FAM135B: variants seen among roughly 807,000 people sequenced by gnomAD.
FAM135B encodes protein FAM135B.
In FAM135B, 43 loss-of-function variants were observed where a neutral mutation model predicts 127.7. That is an observed-to-expected ratio of 0.34 (90% CI 0.26 to 0.43). The LOEUF is 0.43. Among genes scored for constraint, FAM135B ranks in the 20% least tolerant of loss-of-function variants. The pLI, the probability that FAM135B is intolerant of heterozygous loss-of-function variation, is 1.00. For synonymous variants in FAM135B, 670 were observed against 665.1 expected (o/e 1.01, Z -0.11); for missense variants, 1,558 against 1,725.6 (o/e 0.90, Z 1.72).
chr8:138,147,824 A>C (rs912828117), intron 14 of FAM135B, among the ~76,000 whole-genome samples: 1 of 152,210 alleles, frequency 6.6e-6, no homozygotes, highest in Non-Finnish European at 1.5e-5. Context: ...TATTTTAACA[A>C]AGTTATTGAG....
intron 2 of FAM135B, among the ~76,000 whole-genome samples, chr8:138,328,038 T>C (rs1453610170): frequency 6.6e-6 from 1 of 152,152 alleles, no homozygotes; most frequent in Admixed American, 6.5e-5. Context: ...CTTATTATCA[T>C]TCTTGTCTCG....
At chr8:138,177,203 C>T (rs970511919) in intron 11 of FAM135B, 144 bp downstream of exon 11, 4 of 744,626 alleles carry the variant, frequency 5.4e-6, no homozygotes, top group African/African-American at 1.8e-5. Flanking sequence ...GACTCTTTTG[C>T]CTGCAGAGGA....
At chr8:138,209,698 T>G (rs745780351) in intron 7 of FAM135B, among the ~76,000 whole-genome samples, 3 of 152,202 alleles carry the variant, frequency 2.0e-5, no homozygotes, top group Non-Finnish European at 2.9e-5. Flanking sequence ...CCTTTCTCTG[T>G]GACTCTGGCT....
At chr8:138,281,174 C>T (rs1054441390) in intron 3 of FAM135B, among the ~76,000 whole-genome samples, 1 of 152,108 alleles carries the variant, frequency 6.6e-6, no homozygotes, top group African/African-American at 2.4e-5. Context: ...CCTGGAGATC[C>T]TCCATGTCTG....
At chr8:138,226,762 A>C (rs570918899) in intron 7 of FAM135B, among the ~76,000 whole-genome samples, 2 of 152,124 alleles carry the variant, frequency 1.3e-5, no homozygotes, top group African/African-American at 4.8e-5. Context: ...GGGTTTCACC[A>C]TGTTGGCCAG....
chr8:138,163,382 T>G (rs3897732), intron 12 of FAM135B, among the ~76,000 whole-genome samples: 3 of 151,996 alleles, frequency 2.0e-5, no homozygotes, highest in South Asian at 4.2e-4. Flanking sequence ...GCAGCGTGCC[T>G]GGCACATGGC....
At chr8:138,359,485 A>C (rs78820050) in intron 2 of FAM135B, among the ~76,000 whole-genome samples, 4,889 of 152,212 alleles carry the variant, frequency 0.032, 152 homozygotes, top group East Asian at 0.17. Context: ...AGCTGTCGTA[A>C]TGTTAAACTT....
At chr8:138,174,715 G>A (rs1303614579) in intron 11 of FAM135B, among the ~76,000 whole-genome samples, 1 of 152,018 alleles carries the variant, frequency 6.6e-6, no homozygotes, top group Non-Finnish European at 1.5e-5. Context: ...TAGGGATCTG[G>A]AGAGCTCCGT....
intron 2 of FAM135B, among the ~76,000 whole-genome samples, chr8:138,361,496 A>G (rs1563935024): frequency 6.6e-6 from 1 of 152,188 alleles, no homozygotes; most frequent in Non-Finnish European, 1.5e-5. Context: ...AAGTCAAATA[A>G]GATCAGATCT....
chr8:138,435,680 G>A (rs897770641), intron 1 of FAM135B, among the ~76,000 whole-genome samples: 2 of 151,450 alleles, frequency 1.3e-5, no homozygotes, highest in African/African-American at 2.4e-5. Flanking sequence ...CTAAAATTTA[G>A]GTCTACAATA....
chr8:138,177,828 T>G (rs1814621922), intron 10 of FAM135B, among the ~76,000 whole-genome samples: 1 of 152,246 alleles, frequency 6.6e-6, no homozygotes, highest in South Asian at 2.1e-4. Flanking sequence ...TCATATGTTT[T>G]GTCATCTTGT....
At chr8:138,466,285 C>T (rs1244777757) in intron 1 of FAM135B, among the ~76,000 whole-genome samples, 1 of 152,108 alleles carries the variant, frequency 6.6e-6, no homozygotes, top group African/African-American at 2.4e-5. Context: ...TCAAAGCAAG[C>T]AAGAGAGCTG....
intron 7 of FAM135B, among the ~76,000 whole-genome samples, chr8:138,203,069 G>T (rs1261862458): frequency 6.6e-6 from 1 of 152,168 alleles, no homozygotes; most frequent in Non-Finnish European, 1.5e-5. Flanking sequence ...TTTAGTACTT[G>T]ATAACTGTTA....
At chr8:138,159,664 C>G (rs1047403039) in intron 12 of FAM135B, among the ~76,000 whole-genome samples, 3 of 151,812 alleles carry the variant, frequency 2.0e-5, no homozygotes, top group Non-Finnish European at 4.4e-5. Context: ...TAAATGATGA[C>G]TTAATGGGTG....
intron 9 of FAM135B, among the ~76,000 whole-genome samples, chr8:138,194,744 A>C (rs1030515645): frequency 6.6e-6 from 1 of 152,206 alleles, no homozygotes; most frequent in African/African-American, 2.4e-5. Context: ...GGGGGATGTA[A>C]AAGTGTTCCA....
At chr8:138,277,486 C>A (rs1586947823) in intron 3 of FAM135B, among the ~76,000 whole-genome samples, 1 of 152,188 alleles carries the variant, frequency 6.6e-6, no homozygotes. Flanking sequence ...TAACTTTCAA[C>A]TCTACACAGC....
intron 7 of FAM135B, among the ~76,000 whole-genome samples, chr8:138,229,860 G>A (rs568574955): frequency 2.3e-4 from 35 of 151,928 alleles, no homozygotes; most frequent in African/African-American, 5.8e-4. Flanking sequence ...ATCAGCTCTC[G>A]TGAGCACTCA....
chr8:138,416,224 G>C (rs1834140684), intron 1 of FAM135B, among the ~76,000 whole-genome samples: 1 of 152,170 alleles, frequency 6.6e-6, no homozygotes, highest in African/African-American at 2.4e-5. Context: ...CAGAGCAATA[G>C]AGAGGTTAAA....
intron 2 of FAM135B, among the ~76,000 whole-genome samples, chr8:138,342,593 G>A (rs895600136): frequency 6.6e-6 from 1 of 152,176 alleles, no homozygotes; most frequent in Non-Finnish European, 1.5e-5. Flanking sequence ...GTTGACCATT[G>A]AGCAAGAGAT....
Sources: gnomAD v4.1 joint callset for allele counts (sites outside exome capture counted in the v4.1 genomes callset) on GRCh38, gnomAD v4.1.1 for gene constraint, MANE v1.5 for transcripts, NCBI Gene and HGNC (gene_info 2026-07-23, HGNC 2026-07-21) for gene names.